The following PARP8 variants were observed in gnomAD, a reference collection of about 807,000 sequenced individuals.
PARP8 encodes protein mono-ADP-ribosyltransferase PARP8.
A neutral mutation model predicts 124.1 loss-of-function variants in PARP8; 51 were observed. The observed-to-expected ratio is 0.41, with a 90% confidence interval of 0.33 to 0.52. The LOEUF is 0.52. Among genes scored for constraint, PARP8 ranks in the 20% least tolerant of loss-of-function variants. The pLI, the probability that PARP8 is intolerant of heterozygous loss-of-function variation, is 0.21. For missense variants in PARP8, 860 were observed against 1,018.9 expected (o/e 0.84, Z 2.12); for synonymous variants, 391 against 361.5 (o/e 1.08, Z -0.93).
intron 10 of PARP8, among the ~76,000 whole-genome samples, chr5:50,792,950 G>T (rs142999610): frequency 6.6e-6 from 1 of 152,080 alleles, no homozygotes; most frequent in African/African-American, 2.4e-5. Context: ...AGTAACTGGC[G>T]TTGTGCTAAG....
At chr5:50,769,396 A>G (rs1207795369) in intron 7 of PARP8, among the ~76,000 whole-genome samples, 1 of 152,104 alleles carries the variant, frequency 6.6e-6, no homozygotes, top group East Asian at 1.9e-4. Context: ...GGGAGAAAAA[A>G]AATGTCTGAT....
At chr5:50,690,331 T>A (rs572410450) in intron 2 of PARP8, among the ~76,000 whole-genome samples, 3 of 152,238 alleles carry the variant, frequency 2.0e-5, no homozygotes, top group Admixed American at 2.0e-4. Flanking sequence ...GTAGAAAAAA[T>A]TGGAAAAGCC....
intron 2 of PARP8, among the ~76,000 whole-genome samples, chr5:50,691,384 C>G (rs573656673): frequency 6.6e-6 from 1 of 152,298 alleles, no homozygotes; most frequent in South Asian, 2.1e-4. Flanking sequence ...TGGAATGTCT[C>G]CTTAGACGGG....
chr5:50,686,387 C>G (rs1426155187), intron 2 of PARP8, among the ~76,000 whole-genome samples: 1 of 152,252 alleles, frequency 6.6e-6, no homozygotes, highest in Non-Finnish European at 1.5e-5. Flanking sequence ...ACCCCTGTGA[C>G]TTTGTAGGGT....
chr5:50,791,631 A>G (rs892475940), intron 10 of PARP8, among the ~76,000 whole-genome samples: 2 of 152,186 alleles, frequency 1.3e-5, no homozygotes, highest in African/African-American at 4.8e-5. Context: ...GGTCTTGTAT[A>G]GGGTATCCTA....
At chr5:50,759,526 G>A in intron 3 of PARP8, 117 bp from the exon 4 acceptor site, 1 of 1,153,430 alleles carries the variant, frequency 8.7e-7, no homozygotes, top group Non-Finnish European at 1.2e-6. Context: ...AAACAGTAGT[G>A]TATGCTTTAT....
chr5:50,754,161 A>G, intron 3 of PARP8, among the ~76,000 whole-genome samples: 1 of 28,722 alleles, frequency 3.5e-5, no homozygotes, highest in South Asian at 9.9e-4. Context: ...ACACACACAC[A>G]CACACACACA....
At chr5:50,702,863 G>A (rs1445035465) in intron 2 of PARP8, among the ~76,000 whole-genome samples, 5 of 152,122 alleles carry the variant, frequency 3.3e-5, no homozygotes, top group East Asian at 1.9e-4. Flanking sequence ...TTCTCCTATC[G>A]TTCCTTAAGT....
chr5:50,667,883 C>A (rs531758572), intron 1 of PARP8, 188 bp from the exon 2 acceptor site: 5 of 1,492,894 alleles, frequency 3.3e-6, no homozygotes, highest in South Asian at 2.5e-5. Flanking sequence ...GGCGGCCTCC[C>A]GCTGCACCCA....
chr5:50,781,261 T>C (rs1740637172), intron 9 of PARP8, among the ~76,000 whole-genome samples: 1 of 152,248 alleles, frequency 6.6e-6, no homozygotes, highest in African/African-American at 2.4e-5. Flanking sequence ...TCCGTATTAT[T>C]CCCTCTTTAT....
At chr5:50,738,124 A>G (rs1483051651) in intron 2 of PARP8, among the ~76,000 whole-genome samples, 1 of 152,208 alleles carries the variant, frequency 6.6e-6, no homozygotes. Flanking sequence ...AAAAGAAACA[A>G]GAAAAGCAGT....
intron 2 of PARP8, among the ~76,000 whole-genome samples, chr5:50,722,498 C>G (rs528669284): frequency 6.6e-6 from 1 of 152,154 alleles, no homozygotes; most frequent in Non-Finnish European, 1.5e-5. Flanking sequence ...CTGAGTCCCC[C>G]ACTCTTCCTC....
chr5:50,764,203 G>C (rs551180473), intron 7 of PARP8, among the ~76,000 whole-genome samples: 5 of 152,044 alleles, frequency 3.3e-5, no homozygotes, highest in Non-Finnish European at 7.4e-5. Context: ...TTTGGCTTAC[G>C]TCTCCCCCTG....
At chr5:50,667,709 C>A in intron 1 of PARP8, 2 of 699,952 alleles carry the variant, frequency 2.9e-6, no homozygotes, top group Non-Finnish European at 5.2e-6. Context: ...AGGGATTCCT[C>A]GGATTCCCAA....
intron 15 of PARP8, among the ~76,000 whole-genome samples, chr5:50,816,132 A>C (rs1202718396): frequency 2.0e-5 from 3 of 152,198 alleles, no homozygotes; most frequent in Non-Finnish European, 4.4e-5. Flanking sequence ...CAGTGCTATA[A>C]CGTTTTAACA....
At chr5:50,696,450 T>C (rs370327695) in intron 2 of PARP8, among the ~76,000 whole-genome samples, 1 of 152,130 alleles carries the variant, frequency 6.6e-6, no homozygotes, top group Admixed American at 6.5e-5. Flanking sequence ...AAGCCCATAA[T>C]CTTTGTTTGG....
intron 9 of PARP8, among the ~76,000 whole-genome samples, chr5:50,787,772 AATATATGT>A (rs1027420764): frequency 1.3e-5 from 2 of 151,674 alleles, no homozygotes; most frequent in African/African-American, 4.8e-5. Context: ...GATTTAAAGA[AATATATGT>A]ATATATGTAT....
At chr5:50,758,289 G>T (rs2149571870) in intron 3 of PARP8, among the ~76,000 whole-genome samples, 1 of 152,276 alleles carries the variant, frequency 6.6e-6, no homozygotes, top group South Asian at 2.1e-4. Flanking sequence ...CAAAATTTGT[G>T]ATTGCACTAA....
chr5:50,668,351 A>C (rs1749607852), intron 2 of PARP8: 1 of 567,940 alleles, frequency 1.8e-6, no homozygotes, highest in Non-Finnish European at 3.2e-6. Context: ...CAATGAGCAG[A>C]ACTCTTCATG....
Sources: allele counts gnomAD v4.1 joint callset (sites outside exome capture counted in the v4.1 genomes callset), GRCh38; gene constraint gnomAD v4.1.1; transcripts MANE v1.5; gene names NCBI Gene and HGNC (gene_info 2026-07-23, HGNC 2026-07-21).